FBXW4: variants seen among roughly 807,000 people sequenced by gnomAD.
The protein encoded by FBXW4 is F-box/WD repeat-containing protein 4.
A neutral mutation model predicts 61.8 loss-of-function variants in FBXW4; 40 were observed. The ratio of observed to expected loss-of-function variants is 0.65; its 90% CI spans 0.50 to 0.84. The LOEUF is 0.84. Among genes scored for constraint, FBXW4 ranks in the 40% least tolerant of loss-of-function variants. The pLI, the probability that FBXW4 is intolerant of heterozygous loss-of-function variation, is 0.00. For missense variants in FBXW4, 672 were observed against 753.8 expected (o/e 0.89, Z 1.27); for synonymous variants, 311 against 313.8 (o/e 0.99, Z 0.10).
intron 1 of FBXW4, among the ~76,000 whole-genome samples, chr10:101,690,914 T>C (rs1163189785): frequency 6.6e-6 from 1 of 152,214 alleles, no homozygotes; most frequent in Non-Finnish European, 1.5e-5. Flanking sequence ...ACAGACTAAC[T>C]AGAGGAGAAC....
In FBXW4 at chr10:101,615,781, C is replaced by T. The variant is rs902389912; in HGVS notation, c.1302-3304G>A. 1.6e-4 allele frequency among the ~76,000 whole-genome samples: 24 copies of T among 152,266 alleles called. No homozygotes were observed. In the Middle Eastern group the frequency reaches 0.01, roughly 65 times the overall value. The stretch of plus-strand genomic sequence containing the variant: ...GCTGGCCCTAAAAACCTGGATAGCC[C>T]GCCAGGGACAGGCCCTGAGTGCTAA... On this transcript the variant is annotated intron_variant, in intron 6 of 8. Transcript: ENST00000331272.
chr10:101,627,910 T>A, intron 5 of FBXW4: 1 of 976,958 alleles, frequency 1.0e-6, no homozygotes, highest in Non-Finnish European at 1.2e-6. Flanking sequence ...GATCTGTGCA[T>A]CACAGGCAGT....
intron 4 of FBXW4, among the ~76,000 whole-genome samples, chr10:101,668,323 C>T (rs1279041808): frequency 6.6e-6 from 1 of 152,158 alleles, no homozygotes; most frequent in Admixed American, 6.5e-5. Flanking sequence ...GACAGCTTTC[C>T]TGTATTTGTG....
chr10:101,667,410 G>A (rs1211969390), intron 5 of FBXW4, among the ~76,000 whole-genome samples: 1 of 152,130 alleles, frequency 6.6e-6, no homozygotes, highest in East Asian at 1.9e-4. Context: ...GGACCCAGCT[G>A]GATCTGGGCC....
intron 5 of FBXW4, among the ~76,000 whole-genome samples, chr10:101,636,729 A>G (rs1409752124): frequency 6.6e-6 from 1 of 152,002 alleles, no homozygotes; most frequent in Non-Finnish European, 1.5e-5. Context: ...CTGGGATTAC[A>G]GGTGCCTGCC....
rs1446862554 is a variant in FBXW4, at chr10:101,682,440, T to C, written c.726-6004A>G. ...AAATGAAAAAAAAAATAGACTTCCC[T>C]GTCTGCTCCTCGTATCTGCAAATCC... On this transcript the variant is annotated intron_variant, in intron 1 of 8. Coordinates refer to ENST00000331272, the MANE Select transcript of FBXW4 (RefSeq NM_022039.4). 5.3e-5 allele frequency among the ~76,000 whole-genome samples: 8 copies of C among 152,280 alleles called. No homozygotes were observed. The East Asian group carries it at 1.2e-3, about 22-fold the overall frequency.
chr10:101,613,913 A>C (rs1460749381), intron 6 of FBXW4, among the ~76,000 whole-genome samples: 1 of 152,076 alleles, frequency 6.6e-6, no homozygotes, highest in Non-Finnish European at 1.5e-5. Flanking sequence ...CTGCGGGGAG[A>C]AGATGGCAAG....
chr10:101,618,133 A>G (rs1393388892), intron 6 of FBXW4, among the ~76,000 whole-genome samples: 1 of 152,220 alleles, frequency 6.6e-6, no homozygotes, highest in East Asian at 1.9e-4. Context: ...CTCCAGCCAA[A>G]TGTCCCTTAC....
intron 5 of FBXW4, among the ~76,000 whole-genome samples, chr10:101,661,240 C>A (rs1213241572): frequency 6.6e-6 from 1 of 152,132 alleles, no homozygotes; most frequent in African/African-American, 2.4e-5. Context: ...GGAGCTGCTC[C>A]CACAAATGGG....
At chr10:101,624,091 GACACACACAC>G (rs35664019) in intron 6 of FBXW4, among the ~76,000 whole-genome samples, 22 of 147,704 alleles carry the variant, frequency 1.5e-4, no homozygotes, top group East Asian at 4.0e-4. Flanking sequence ...GACACAGACA[GACACACACAC>G]ACACACACAC....
chr10:101,612,774 T>TG (rs1001013605), intron 6 of FBXW4, among the ~76,000 whole-genome samples: 4 of 149,952 alleles, frequency 2.7e-5, no homozygotes, highest in South Asian at 2.1e-4. Flanking sequence ...GGACAATGAA[T>TG]GGGGGGGCTT....
chr10:101,640,003 G>A (rs1314059728), intron 5 of FBXW4, among the ~76,000 whole-genome samples: 3 of 152,136 alleles, frequency 2.0e-5, no homozygotes, highest in Admixed American at 6.5e-5. Flanking sequence ...GTAACTGCTC[G>A]GCTTCTCACC....
chr10:101,640,484 C>CTTTTTTTTTTTTTTTTTTTTTTTTTTT (rs386372272), intron 5 of FBXW4, among the ~76,000 whole-genome samples: 4 of 83,872 alleles, frequency 4.8e-5, no homozygotes, highest in Admixed American at 1.8e-4. Flanking sequence ...CTTTCTTTCT[C>CTTTTTTTTTTTTTTTTTTTTTTTTTTT]TTTTTTTTTT....
At chr10:101,643,915 A>T (rs528324999) in intron 5 of FBXW4, among the ~76,000 whole-genome samples, 18 of 152,184 alleles carry the variant, frequency 1.2e-4, no homozygotes, top group Non-Finnish European at 8.8e-5. Flanking sequence ...GATTTTCTTT[A>T]ATTGCTTGGT....
At chr10:101,672,394 G>C (rs867115346) in intron 4 of FBXW4, among the ~76,000 whole-genome samples, 5 of 152,220 alleles carry the variant, frequency 3.3e-5, no homozygotes, top group Middle Eastern at 3.4e-3. Context: ...TCTGTGGACC[G>C]GGCAATTTGG....
chr10:101,658,975 C>A (rs565314214), intron 5 of FBXW4, among the ~76,000 whole-genome samples: 98 of 152,046 alleles, frequency 6.4e-4, no homozygotes, highest in African/African-American at 2.3e-3. Context: ...GACAGGGCTA[C>A]AAGTTTCCGC....
chr10:101,640,484 CTTTTTTTT>C (rs386372272), intron 5 of FBXW4, among the ~76,000 whole-genome samples: 3 of 83,890 alleles, frequency 3.6e-5, no homozygotes, highest in African/African-American at 5.2e-5. Context: ...CTTTCTTTCT[CTTTTTTTT>C]TTTTTTTTTT....
chr10:101,632,492 G>A (rs1184978939), intron 5 of FBXW4, among the ~76,000 whole-genome samples: 1 of 152,178 alleles, frequency 6.6e-6, no homozygotes, highest in Non-Finnish European at 1.5e-5. Context: ...AAGGATAGGA[G>A]AGCCTAGCCC....
At chr10:101,615,362 A>C (rs1028765339) in intron 6 of FBXW4, among the ~76,000 whole-genome samples, 1 of 151,974 alleles carries the variant, frequency 6.6e-6, no homozygotes, top group Non-Finnish European at 1.5e-5. Context: ...GGATCCACTA[A>C]GGGCTGGGGG....
Sources: gnomAD v4.1 joint callset for allele counts (sites outside exome capture counted in the v4.1 genomes callset) on GRCh38, gnomAD v4.1.1 for gene constraint, MANE v1.5 for transcripts, NCBI Gene and HGNC (gene_info 2026-07-23, HGNC 2026-07-21) for gene names.